The following POU6F2 variants were observed in gnomAD, a reference collection of about 807,000 sequenced individuals.
POU6F2 encodes the protein POU domain, class 6, transcription factor 2.
Under a neutral mutation model 71.3 loss-of-function variants are expected in POU6F2, and 31 were observed. That is an observed-to-expected ratio of 0.43 (90% CI 0.33 to 0.59). POU6F2 has a LOEUF of 0.59. POU6F2 is among the 20% of genes least tolerant of loss of function. The pLI is 0.04. For synonymous variants in POU6F2, 347 were observed against 355.7 expected (o/e 0.98, Z 0.27); for missense variants, 783 against 856.8 (o/e 0.91, Z 1.07).
chr7:39,008,662 C>A (rs1278016012), intron 1 of POU6F2, among the ~76,000 whole-genome samples: 1 of 150,232 alleles, frequency 6.7e-6, no homozygotes, highest in Non-Finnish European at 1.5e-5. Context: ...TTAGGTCTAA[C>A]GTTTAAGTCT....
intron 1 of POU6F2, chr7:39,006,667 G>T (rs776533182): frequency 8.4e-5 from 52 of 620,918 alleles, no homozygotes; most frequent in Non-Finnish European, 1.3e-4. Context: ...TGTTCTGTCT[G>T]CCAAGTCCTG....
chr7:39,259,710 TG>T (rs546288692), intron 4 of POU6F2, among the ~76,000 whole-genome samples: 144 of 152,214 alleles, frequency 9.5e-4, no homozygotes, highest in African/African-American at 2.6e-3. Flanking sequence ...GCATCCTCCC[TG>T]GGCTGCTCCA....
intron 1 of POU6F2, chr7:39,006,857 C>G (rs1435531284): frequency 3.1e-6 from 5 of 1,613,594 alleles, no homozygotes; most frequent in Non-Finnish European, 3.4e-6. Flanking sequence ...CAAATGAGTG[C>G]TCTTCTTCAG....
intron 8 of POU6F2, among the ~76,000 whole-genome samples, chr7:39,455,227 A>AT (rs551854596): frequency 6.6e-6 from 1 of 152,026 alleles, no homozygotes; most frequent in Non-Finnish European, 1.5e-5. Flanking sequence ...CACTTGCTGG[A>AT]TTTTTTTCCA....
At position 39,159,224 on chromosome 7, in the gene POU6F2, A is replaced by G. The variant is rs1010260952; in HGVS notation, c.278-45011A>G. Among the ~76,000 whole-genome samples the G allele has an allele frequency of 2.6e-5, 4 of 152,068 alleles. No homozygotes were observed. In the East Asian group the frequency reaches 7.7e-4, roughly 29 times the overall value. On this transcript the variant is annotated intron_variant, in intron 2 of 9. Transcript: ENST00000518318. ...ATAACCATTTCAGATGCCCTCCTCC[A>G]GTGTCACATTATTGTTTTTCTATAG...
At chr7:39,059,696 GA>G (rs1456617462) in intron 1 of POU6F2, among the ~76,000 whole-genome samples, 2 of 152,202 alleles carry the variant, frequency 1.3e-5, no homozygotes, top group Admixed American at 1.3e-4. Context: ...TAAGAGAAGT[GA>G]AAACATAGGT....
chr7:39,300,312 G>A (rs1255170756), intron 4 of POU6F2, among the ~76,000 whole-genome samples: 1 of 152,216 alleles, frequency 6.6e-6, no homozygotes, highest in Non-Finnish European at 1.5e-5. Context: ...AGATAATCAA[G>A]GATGTATCCA....
intron 5 of POU6F2, among the ~76,000 whole-genome samples, chr7:39,345,181 G>A (rs1786005193): frequency 6.6e-6 from 1 of 152,060 alleles, no homozygotes; most frequent in Admixed American, 6.6e-5. Context: ...TGAATTTTTG[G>A]CACTCATTCT....
At chr7:39,278,584 G>T (rs748883605) in intron 4 of POU6F2, among the ~76,000 whole-genome samples, 75 of 152,242 alleles carry the variant, frequency 4.9e-4, no homozygotes, top group Admixed American at 2.5e-3. Context: ...TAGAATGCAG[G>T]CAGGTGGCCC....
rs1338984877 is a variant in POU6F2, at chr7:39,319,422, G to T, written c.599-20220G>T. Among the ~76,000 whole-genome samples the T allele has an allele frequency of 6.0e-5, 8 of 133,228 alleles. No homozygotes were observed. In the Admixed American group the frequency reaches 6.1e-4, roughly 10 times the overall value. The allele number at this position is 133,228 out of a possible 152,430, so 87.4% of individuals were successfully genotyped here. The stretch of plus-strand genomic sequence containing the variant: ...ATAACTCTTTCTGGGGGATGGTATT[G>T]TGGTTTTTGGAAACCTCCCAATCCT... On this transcript the variant is annotated intron_variant, in intron 4 of 9. Coordinates refer to ENST00000518318, the MANE Select transcript of POU6F2 (RefSeq NM_001370959.1).
intron 1 of POU6F2, among the ~76,000 whole-genome samples, chr7:39,068,319 C>T (rs1460498876): frequency 6.6e-6 from 1 of 152,062 alleles, no homozygotes; most frequent in Non-Finnish European, 1.5e-5. Flanking sequence ...GCACAGGCCT[C>T]ATTTTAAAGA....
intron 7 of POU6F2, among the ~76,000 whole-genome samples, chr7:39,436,877 T>C (rs1788257156): frequency 6.6e-6 from 1 of 152,236 alleles, no homozygotes; most frequent in Admixed American, 6.5e-5. Context: ...TCTATTAAGA[T>C]AATCATGTGG....
At chr7:39,255,712 G>A (rs575986857) in intron 4 of POU6F2, among the ~76,000 whole-genome samples, 23 of 152,204 alleles carry the variant, frequency 1.5e-4, no homozygotes, top group Non-Finnish European at 2.5e-4. Context: ...TGACAGTAAC[G>A]ACCCTGGGTG....
chr7:39,433,199 C>A lies in POU6F2; in HGVS notation c.1236C>A (p.Ile412=), dbSNP rs148571075. 7.7e-5 allele frequency: 125 copies of A among 1,613,778 alleles called. No individual in the cohort carries two copies. Among genetic ancestry groups the A allele is most frequent in the Non-Finnish European group, 9.6e-5 (113 of 1,179,890 alleles). ...PQLLTNAQGQ[I]IATVIGNQIL... ...TCCTCACAAACGCCCAGGGCCAGATCATCGCCACAGTCATTGGGAACCAGA... is the reference window on the plus strand; with the variant it reads ...TCCTCACAAACGCCCAGGGCCAGATAATCGCCACAGTCATTGGGAACCAGA... The change falls in exon 7 of 10, where the codon ATC becomes ATA. Residue 412 remains isoleucine (I), a synonymous_variant. Transcript: ENST00000518318.
chr7:39,332,877 G>A (rs996312124), intron 4 of POU6F2, among the ~76,000 whole-genome samples: 1 of 152,178 alleles, frequency 6.6e-6, no homozygotes, highest in Non-Finnish European at 1.5e-5. Flanking sequence ...TGAGATTGTA[G>A]GCTGACTGGC....
chr7:39,393,968 T>A (rs1414471101), intron 5 of POU6F2, among the ~76,000 whole-genome samples: 2 of 152,224 alleles, frequency 1.3e-5, no homozygotes, highest in Admixed American at 1.3e-4. Flanking sequence ...TTTCTTGGGT[T>A]TCAGTGGTAC....
chr7:39,250,624 C>T (rs1393885666), intron 4 of POU6F2, among the ~76,000 whole-genome samples: 4 of 152,096 alleles, frequency 2.6e-5, no homozygotes, highest in South Asian at 2.1e-4. Context: ...CCAGTGGAAA[C>T]GAGAGAGGAG....
At position 39,092,200 on chromosome 7, in the gene POU6F2, C is replaced by T. The variant is rs1003296321; in HGVS notation, c.277+6169C>T. ...GGGGCAATCTGTATAAAGTTTCCCG[C>T]TGTCAGGTTAATAAATTTTTAAAAA... On this transcript the variant is annotated intron_variant, in intron 2 of 9. Coordinates refer to ENST00000518318, the MANE Select transcript of POU6F2 (RefSeq NM_001370959.1). Among the ~76,000 whole-genome samples the T allele has an allele frequency of 3.9e-5, 6 of 152,292 alleles. No homozygotes were observed. The South Asian group carries it at 1.2e-3, about 32-fold the overall frequency.
At chr7:39,175,919 A>G (rs1332152398) in intron 2 of POU6F2, among the ~76,000 whole-genome samples, 1 of 152,214 alleles carries the variant, frequency 6.6e-6, no homozygotes, top group African/African-American at 2.4e-5. Context: ...CTGTGACTCA[A>G]CAGTTCCCTA....
Sources: allele counts gnomAD v4.1 joint callset (sites outside exome capture counted in the v4.1 genomes callset), GRCh38; gene constraint gnomAD v4.1.1; transcripts MANE v1.5; gene names NCBI Gene and HGNC (gene_info 2026-07-23, HGNC 2026-07-21).